KIF1A: variants seen among roughly 807,000 people sequenced by gnomAD.
The protein encoded by KIF1A is kinesin family member 1A.
A neutral mutation model predicts 227.3 loss-of-function variants in KIF1A; 46 were observed. The observed-to-expected ratio is 0.20, with a 90% CI of 0.16 to 0.26. The LOEUF is 0.26. Ranked by LOEUF, KIF1A falls within the 10% of genes least tolerant of loss-of-function variation. KIF1A has a pLI of 1.00. For synonymous variants in KIF1A, 1,022 were observed against 1,012.8 expected (o/e 1.01, Z -0.17); for missense variants, 1,683 against 2,485.9 (o/e 0.68, Z 6.87).
At chr2:240,741,427 C>G in intron 34 of KIF1A, 50 bp from the exon 35 acceptor site, 3 of 1,382,692 alleles carry the variant, frequency 2.2e-6, no homozygotes, top group Non-Finnish European at 2.9e-6. Context: ...TGACCTATCA[C>G]GTGCCAAGGG....
In KIF1A at chr2:240,748,501, C is replaced by T. The variant is rs575843369; in HGVS notation, c.2978-1180G>A. Among the ~76,000 whole-genome samples, 3 of 151,854 alleles carry T rather than the reference C, an allele frequency of 2.0e-5. No homozygotes were observed. In the East Asian group the frequency reaches 5.8e-4, roughly 30 times the overall value. On this transcript the variant is annotated intron_variant, in intron 28 of 48. Transcript: ENST00000498729. ...GTGGGGGCCAGTGGGAGGAAGTGCT[C>T]AGGATGGCTCCGCTCAGCCATCCTG...
At chr2:240,785,873 A>C (rs989287756) in intron 6 of KIF1A, among the ~76,000 whole-genome samples, 1 of 152,114 alleles carries the variant, frequency 6.6e-6, no homozygotes, top group African/African-American at 2.4e-5. Flanking sequence ...GTCTGTTGCC[A>C]TGACAACCAG....
intron 10 of KIF1A, among the ~76,000 whole-genome samples, chr2:240,779,557 G>GTTCCTCACTCAC: frequency 7.4e-6 from 1 of 135,866 alleles, no homozygotes; most frequent in African/African-American, 2.9e-5. Context: ...GTTCCACTCA[G>GTTCCTCACTCAC]TTCCTCACTC....
intron 1 of KIF1A, among the ~76,000 whole-genome samples, chr2:240,806,996 C>A (rs1169458579): frequency 3.9e-5 from 6 of 152,126 alleles, no homozygotes; most frequent in African/African-American, 1.4e-4. Context: ...GGACCCCCCA[C>A]AGATACCAAA....
At chr2:240,755,122 C>T (rs539665046) in intron 27 of KIF1A, among the ~76,000 whole-genome samples, 2 of 152,332 alleles carry the variant, frequency 1.3e-5, no homozygotes, top group South Asian at 4.1e-4. Context: ...GGAATATGGG[C>T]AGTGGTCACC....
rs1167133753 is a variant in KIF1A, at chr2:240,752,526, C to G, written c.2859-1979G>C. 6.6e-6 allele frequency among the ~76,000 whole-genome samples: 1 copy of G among 152,074 alleles called. No homozygotes were observed. The highest frequency in any genetic ancestry group is 2.4e-5 in the African/African-American group (1 of 41,404). On this transcript the variant is annotated intron_variant, in intron 27 of 48. Coordinates refer to ENST00000498729, the MANE Select transcript of KIF1A (RefSeq NM_001244008.2). The surrounding 1 kb of genome is among the most constrained non-coding windows in gnomAD (Gnocchi z 6.4). ...GGGTGGGAAAAGGGGCTGCTACAAA[C>G]TGAGCAAAGCTAAGTTGTCCAGGAG...
chr2:240,756,222 T>G (rs1432583254), intron 27 of KIF1A, among the ~76,000 whole-genome samples: 1 of 152,170 alleles, frequency 6.6e-6, no homozygotes, highest in Non-Finnish European at 1.5e-5. Context: ...TCCAGACTTT[T>G]GAAAACTTCC....
chr2:240,722,652 T>C lies in KIF1A; in HGVS notation c.4469A>G (p.Glu1490Gly). 1 of 1,531,174 alleles carries C rather than the reference T, an allele frequency of 6.5e-7. No homozygotes were observed. The highest frequency in any genetic ancestry group is 8.8e-7 in the Non-Finnish European group (1 of 1,135,918). The allele number at this position is 1,531,174 out of a possible 1,614,324, so 94.8% of individuals were successfully genotyped here. A position where few individuals can be genotyped will look rare whatever the true frequency, so the allele number is the denominator to read the frequency against. ...LEKLSLLQEV[E>G]KTRHYLLLRE... ...CAGGAGCAGGTAGTGCCTAGTCTTC[T>C]CCACCTTCAGACAGGACACAAGGCC... Residue 1490 changes from glutamate (E) to glycine (G), a missense_variant, in exon 43 of 49, where the codon GAG becomes GGG. Glu to Gly is a moderately conservative substitution (Grantham distance 98). Around this residue, in one of 12 missense-constraint regions of KIF1A, gnomAD observed 759 missense variants for 1,020.2 expected, o/e 0.74. Transcript: ENST00000498729.
intron 25 of KIF1A, among the ~76,000 whole-genome samples, chr2:240,760,359 C>T (rs1230070770): frequency 6.6e-6 from 1 of 152,266 alleles, no homozygotes; most frequent in Non-Finnish European, 1.5e-5. Flanking sequence ...GCCTGCCCTC[C>T]CCTCCACTGC....
rs764312346 is a variant in KIF1A at position 240,771,019 on chromosome 2, C to T, written c.1293G>A (p.Glu431=). Residue 431 remains glutamate, a synonymous_variant, in exon 15 of 49, where the codon GAG becomes GAA. Transcript: ENST00000498729. ...CGCTGCCCGGGGCAAACAAGATGCGCTCGTGGAGGCTGGACACGGAGGCCG... is the reference window on the plus strand; with the variant it reads ...CGCTGCCCGGGGCAAACAAGATGCGTTCGTGGAGGCTGGACACGGAGGCCG... ...SRAASVSSLH[E]RILFAPGSEE... is the part of the protein sequence containing the mutation. The T allele has an allele frequency of 2.5e-6, 4 of 1,613,002 alleles. No homozygotes were observed. Among genetic ancestry groups the T allele is most frequent in the Non-Finnish European group, 3.4e-6 (4 of 1,179,858 alleles).
chr2:240,755,609 C>A lies in KIF1A; in HGVS notation c.2858+1710G>T, dbSNP rs1216307094. On this transcript the variant is annotated intron_variant, in intron 27 of 48. Coordinates refer to ENST00000498729, the MANE Select transcript of KIF1A (RefSeq NM_001244008.2). ...AGATCAAGATGATTCCCAATGAAGC[C>A]CTTCACAGACCACCCCGCAATATGG... Among the ~76,000 whole-genome samples the A allele has an allele frequency of 5.9e-5, 9 of 152,268 alleles. No individual in the cohort carries two copies. The South Asian group carries it at 1.7e-3, about 28-fold the overall frequency.
chr2:240,723,597 G>C, intron 41 of KIF1A, 39 bp from the exon 42 acceptor site: 1 of 1,506,340 alleles, frequency 6.6e-7, no homozygotes, highest in Non-Finnish European at 8.9e-7. Context: ...CTACCTGATG[G>C]GTGGCTGCTC....
At chr2:240,777,177 A>G (rs1186461801) in intron 10 of KIF1A, among the ~76,000 whole-genome samples, 1 of 151,936 alleles carries the variant, frequency 6.6e-6, no homozygotes, top group Admixed American at 6.5e-5. Flanking sequence ...CTGAGTAGCT[A>G]GGACTACAGG....
chr2:240,738,337 G>C (rs368701945), intron 37 of KIF1A, among the ~76,000 whole-genome samples: 2 of 152,258 alleles, frequency 1.3e-5, no homozygotes, highest in African/African-American at 4.8e-5. Flanking sequence ...TGCCTCAAAG[G>C]GTGCACCCAC....
chr2:240,769,517 A>C (rs183431148), intron 16 of KIF1A, 110 bp downstream of exon 16: 9 of 879,514 alleles, frequency 1.0e-5, no homozygotes, highest in Admixed American at 7.2e-5. Context: ...TGGCCACCCC[A>C]TGGTGCAGGT....
At chr2:240,787,144 G>T in intron 5 of KIF1A, 107 bp downstream of exon 5, 2 of 894,110 alleles carry the variant, frequency 2.2e-6, no homozygotes, top group Non-Finnish European at 3.7e-6. Context: ...GGACAAGCTG[G>T]GCGTGCAGAC....
intron 5 of KIF1A, 56 bp downstream of exon 5, chr2:240,787,195 G>T: frequency 1.4e-6 from 2 of 1,398,838 alleles, no homozygotes; most frequent in Non-Finnish European, 2.0e-6. Flanking sequence ...AGCACTGCCA[G>T]CCACACCAGA....
chr2:240,783,015 G>A, intron 9 of KIF1A, 29 bp downstream of exon 9: 6 of 1,583,114 alleles, frequency 3.8e-6, no homozygotes, highest in Non-Finnish European at 5.2e-6. Flanking sequence ...CTGGGGTTCT[G>A]GCTATGGAAG....
chr2:240,780,638 C>G (rs1411920651), intron 10 of KIF1A, among the ~76,000 whole-genome samples: 2 of 152,086 alleles, frequency 1.3e-5, no homozygotes, highest in Admixed American at 6.5e-5. Flanking sequence ...CACGCAGCTA[C>G]CCTCAGGCCC....
Sources: gnomAD v4.1 joint callset for allele counts (sites outside exome capture counted in the v4.1 genomes callset) on GRCh38, gnomAD v4.1.1 for gene constraint, gnomAD v4.1.1 regional missense constraint, Gnocchi (gnomAD v3.1) non-coding constraint, MANE v1.5 for transcripts, NCBI Gene and HGNC (gene_info 2026-07-23, HGNC 2026-07-21) for gene names.